PRDM11: variants seen among roughly 807,000 people sequenced by gnomAD.
PRDM11 encodes PR domain-containing protein 11.
PRDM11 carries 20 observed loss-of-function variants against 97.8 expected under a neutral mutation model. The observed-to-expected ratio is 0.20, with a 90% CI of 0.14 to 0.30. PRDM11 has a LOEUF of 0.30. Among genes scored for constraint, PRDM11 ranks in the 10% least tolerant of loss-of-function variants. PRDM11 has a pLI of 1.00. For synonymous variants in PRDM11, 599 were observed against 637.7 expected (o/e 0.94, Z 0.91); for missense variants, 1,139 against 1,555.2 (o/e 0.73, Z 4.50).
chr11:45,098,994 G>A (rs577253199), intron 1 of PRDM11, among the ~76,000 whole-genome samples: 1 of 152,308 alleles, frequency 6.6e-6, no homozygotes, highest in African/African-American at 2.4e-5. Flanking sequence ...GAAAATGGCT[G>A]ATAGTGTATT....
chr11:45,102,625 C>T (rs567918096), intron 1 of PRDM11, among the ~76,000 whole-genome samples: 239 of 152,130 alleles, frequency 1.6e-3, no homozygotes, highest in Non-Finnish European at 2.5e-3. Flanking sequence ...TAGGTCCAGC[C>T]CCCCTTGCAC....
At chr11:45,116,023 TGAA>T (rs1852295650) in intron 1 of PRDM11, among the ~76,000 whole-genome samples, 1 of 150,988 alleles carries the variant, frequency 6.6e-6, no homozygotes, top group Non-Finnish European at 1.5e-5. Flanking sequence ...TCAGCTGAGA[TGAA>T]GAACACTTTA....
At chr11:45,150,229 C>G (rs994572955) in intron 1 of PRDM11, among the ~76,000 whole-genome samples, 2 of 152,206 alleles carry the variant, frequency 1.3e-5, no homozygotes, top group African/African-American at 2.4e-5. Context: ...TCTTCACATC[C>G]CCTCTTCAGG....
intron 5 of PRDM11, among the ~76,000 whole-genome samples, chr11:45,205,202 C>T (rs1246604925): frequency 6.6e-6 from 1 of 152,214 alleles, no homozygotes; most frequent in Non-Finnish European, 1.5e-5. Context: ...AGGGCTCTGA[C>T]AAAGTCTTCA....
At chr11:45,214,172 C>T (rs999040295) in intron 5 of PRDM11, 1 of 186,900 alleles carries the variant, frequency 5.4e-6, no homozygotes, top group Non-Finnish European at 1.1e-5. Flanking sequence ...TCTGCTTGCT[C>T]GGGCTGCCTA....
At chr11:45,180,525 C>G (rs1019048793) in intron 1 of PRDM11, among the ~76,000 whole-genome samples, 6 of 151,768 alleles carry the variant, frequency 4.0e-5, no homozygotes, top group Non-Finnish European at 5.9e-5. Flanking sequence ...CGGAGCGACC[C>G]CCCGCGGCGC....
chr11:45,121,736 C>T (rs1224465089), intron 1 of PRDM11, among the ~76,000 whole-genome samples: 1 of 152,092 alleles, frequency 6.6e-6, no homozygotes, highest in Non-Finnish European at 1.5e-5. Context: ...TGAAATTATA[C>T]AGAATATGCT....
In PRDM11 at chr11:45,191,011, A is replaced by G. The variant is rs540660909; in HGVS notation, c.486+7888A>G. Among the ~76,000 whole-genome samples the G allele has an allele frequency of 3.3e-5, 5 of 152,302 alleles. No individual in the cohort carries two copies. In the South Asian group the frequency reaches 1.0e-3, roughly 32 times the overall value. On this transcript the variant is annotated intron_variant, in intron 4 of 7. Coordinates refer to ENST00000683152, the MANE Select transcript of PRDM11 (RefSeq NM_001384648.1). ...TCGTATTCAGATTTCCCTAATTGCC[A>G]TTAGTAACATCCTTTGTGGTTTTTT...
At chr11:45,170,846 G>A (rs932772710) in intron 1 of PRDM11, among the ~76,000 whole-genome samples, 1 of 152,108 alleles carries the variant, frequency 6.6e-6, no homozygotes, top group African/African-American at 2.4e-5. Context: ...AGAGCAGGGT[G>A]GCAGCCATGG....
chr11:45,108,227 C>T (rs1852097422), intron 1 of PRDM11, among the ~76,000 whole-genome samples: 1 of 152,164 alleles, frequency 6.6e-6, no homozygotes, highest in Non-Finnish European at 1.5e-5. Flanking sequence ...TGTGTCCACT[C>T]CAGTTGGTAA....
chr11:45,136,797 C>T (rs112692958), intron 1 of PRDM11, among the ~76,000 whole-genome samples: 2 of 152,156 alleles, frequency 1.3e-5, no homozygotes, highest in East Asian at 1.9e-4. Context: ...CATAGACAGA[C>T]TTCTAAGTTG....
In PRDM11 at chr11:45,194,592, G is replaced by GT. The variant is rs869144098; in HGVS notation, c.487-10095dup. 9.8e-3 allele frequency among the ~76,000 whole-genome samples: 695 copies of GT among 70,810 alleles called. 24 individuals are homozygous for GT. Among genetic ancestry groups the GT allele is most frequent in the African/African-American group, 0.028 (569 of 20,224 alleles). The allele number at this position is 70,810 out of a possible 152,430, so 46.5% of individuals were successfully genotyped here. A position where few individuals can be genotyped will look rare whatever the true frequency, so the allele number is the denominator to read the frequency against. The stretch of plus-strand genomic sequence containing the variant: ...TACTGTGGGATAGTTATTATCTTCT[G>GT]TTTTTTTTTTTTTTTTTTTTTTTTG... On this transcript the variant is annotated intron_variant, in intron 4 of 7. Coordinates refer to ENST00000683152, the MANE Select transcript of PRDM11 (RefSeq NM_001384648.1).
At chr11:45,145,835 A>T (rs1392705305), upstream of PRDM11, among the ~76,000 whole-genome samples, 2 of 152,114 alleles carry the variant, frequency 1.3e-5, no homozygotes, top group Non-Finnish European at 2.9e-5. Flanking sequence ...AAAGCATGTC[A>T]AGCACTCAAG....
intron 1 of PRDM11, among the ~76,000 whole-genome samples, chr11:45,117,018 G>A (rs111517876): frequency 0.025 from 3,834 of 152,284 alleles, 168 homozygotes; most frequent in African/African-American, 0.088. Context: ...GAGGTCAGGA[G>A]TTCGAGACCA....
intron 4 of PRDM11, among the ~76,000 whole-genome samples, chr11:45,187,351 G>C (rs1852742267): frequency 6.6e-6 from 1 of 152,206 alleles, no homozygotes; most frequent in Non-Finnish European, 1.5e-5. Flanking sequence ...ATCTAAGACT[G>C]TGCCCAAGGA....
At chr11:45,163,259 A>G (rs1210311209) in intron 1 of PRDM11, among the ~76,000 whole-genome samples, 1 of 152,242 alleles carries the variant, frequency 6.6e-6, no homozygotes, top group East Asian at 1.9e-4. Context: ...TGACCCTTCA[A>G]GTTCCTATGG....
chr11:45,224,626 G>A lies in PRDM11; in HGVS notation c.1152G>A (p.Glu384=), dbSNP rs367630802. The A allele has an allele frequency of 5.6e-6, 9 of 1,614,146 alleles. No homozygotes were observed. The African/African-American group carries it at 1.1e-4, about 19-fold the overall frequency. Residue 384 remains glutamate, a synonymous_variant, in exon 7 of 8, where the codon GAG becomes GAA. Coordinates refer to ENST00000683152, the MANE Select transcript of PRDM11 (RefSeq NM_001384648.1). ...GCCAATTGGAGGATGAAGAAGAGGA[G>A]CCTTCATCATTCAAGGCCGACAGTC... ...EPGQLEDEEE[E]PSSFKADSPA... is the part of the protein sequence containing the mutation.
Position 45,228,240 on chromosome 11 carries a change from A to ATATAT in PRDM11, c.*107_*111dup, listed in dbSNP as rs72446887. On this transcript the variant is annotated 3_prime_UTR_variant, in exon 8 of 8. Transcript: ENST00000683152. ...ATAAGCTTTGATATATTATATAAATATATATTATATTATATTATATTATAT... is the reference window on the plus strand; with the variant it reads ...ATAAGCTTTGATATATTATATAAATATATATTATATTATATTATATTATATTATAT... 761 of 227,132 alleles carry ATATAT rather than the reference A, an allele frequency of 3.4e-3. 17 individuals are homozygous for ATATAT. The East Asian group carries it at 0.049, about 15-fold the overall frequency. 14.1% of individuals were successfully genotyped at this position (227,132 alleles called of 1,614,324 possible). A position where few individuals can be genotyped will look rare whatever the true frequency, so the allele number is the denominator to read the frequency against.
At chr11:45,122,438 C>G (rs537228208) in intron 1 of PRDM11, among the ~76,000 whole-genome samples, 1 of 151,304 alleles carries the variant, frequency 6.6e-6, no homozygotes, top group African/African-American at 2.4e-5. Flanking sequence ...GTACTGCACC[C>G]ATTAACTCGT....
Sources: gnomAD v4.1 joint callset for allele counts (sites outside exome capture counted in the v4.1 genomes callset) on GRCh38, gnomAD v4.1.1 for gene constraint, MANE v1.5 for transcripts, NCBI Gene and HGNC (gene_info 2026-07-23, HGNC 2026-07-21) for gene names.